The following PLCH1 variants were observed in gnomAD, a reference collection of about 807,000 sequenced individuals.
The protein encoded by PLCH1 is phospholipase C eta 1.
In PLCH1, 60 loss-of-function variants were observed where a neutral mutation model predicts 126.7. The ratio of observed to expected loss-of-function variants is 0.47; its 90% CI spans 0.38 to 0.59. The LOEUF (loss-of-function observed/expected upper bound fraction) is 0.59. Ranked by LOEUF, PLCH1 falls within the 20% of genes least tolerant of loss-of-function variation. PLCH1 has a pLI of 0.00. For synonymous variants in PLCH1, 719 were observed against 734.9 expected, an observed-to-expected ratio of 0.98 and a Z score of 0.35; for missense variants, 1,723 against 2,040.0, an observed-to-expected ratio of 0.84 and a Z score of 2.99.
At chr3:155,548,866 A>G (rs561240233) in intron 10 of PLCH1, among the ~76,000 whole-genome samples, 26 of 152,322 alleles carry the variant, frequency 1.7e-4, no homozygotes, top group South Asian at 8.3e-4. Flanking sequence ...CTAAGAATGA[A>G]TATGTTCCAT....
At chr3:155,660,728 T>C (rs1485318356) in intron 2 of PLCH1, among the ~76,000 whole-genome samples, 1 of 152,232 alleles carries the variant, frequency 6.6e-6, no homozygotes, top group African/African-American at 2.4e-5. Context: ...CTTCTGTGCA[T>C]TGGGATTTTA....
chr3:155,724,498 C>T (rs1242637328), intron 1 of PLCH1, among the ~76,000 whole-genome samples: 1 of 152,040 alleles, frequency 6.6e-6, no homozygotes. Flanking sequence ...TATAATGTCC[C>T]TCTTTGTCTT....
Position 155,467,311 on chromosome 3 carries a change from C to T in PLCH1, c.2938+18045G>A, listed in dbSNP as rs182940500. ...ATCCTAGACCAGGTGCGGTGGCTCACGCCTGTAATCCCAGCACTTTGGACG... is the reference window on the plus strand; with the variant it reads ...ATCCTAGACCAGGTGCGGTGGCTCATGCCTGTAATCCCAGCACTTTGGACG... On this transcript the variant is annotated intron_variant, in intron 21 of 21. Transcript: ENST00000494598. Among the ~76,000 whole-genome samples the T allele has an allele frequency of 2.5e-3, 376 of 152,066 alleles. 1 individual carries two copies. Among genetic ancestry groups the T allele is most frequent in the African/African-American group, 7.9e-3 (327 of 41,510 alleles).
chr3:155,612,908 T>TAAAAAA (rs59489759), intron 2 of PLCH1, among the ~76,000 whole-genome samples: 5,137 of 93,664 alleles, frequency 0.055, 161 homozygotes, highest in African/African-American at 0.087. Context: ...AACTGTGTAT[T>TAAAAAA]AAAAAAAAAA....
chr3:155,639,308 A>G (rs1429380747), intron 2 of PLCH1, among the ~76,000 whole-genome samples: 2 of 152,096 alleles, frequency 1.3e-5, no homozygotes, highest in Non-Finnish European at 2.9e-5. Flanking sequence ...AAAATAAAAA[A>G]TACTTAGCCT....
At chr3:155,666,893 GGT>G (rs3220185) in intron 2 of PLCH1, among the ~76,000 whole-genome samples, 8,460 of 148,556 alleles carry the variant, frequency 0.057, 255 homozygotes, top group Non-Finnish European at 0.065. Context: ...ACACAGATGA[GGT>G]GTGTGTGTGT....
In PLCH1 at chr3:155,587,581, C is replaced by T. The variant is rs16825108; in HGVS notation, c.471-1387G>A. 4.2e-3 allele frequency among the ~76,000 whole-genome samples: 642 copies of T among 152,272 alleles called. 5 individuals are homozygous for T. Among genetic ancestry groups the T allele is most frequent in the Middle Eastern group, 0.017 (5 of 294 alleles). On this transcript the variant is annotated intron_variant, in intron 4 of 22. Coordinates refer to ENST00000460012, the MANE Select transcript of PLCH1 (RefSeq NM_014996.4). ...TTAATTGGCCCAAATTTCTAAATCA[C>T]GGGCAGGTAATGTGAAGTACAAACA...
At chr3:155,562,351 A>T in intron 8 of PLCH1, among the ~76,000 whole-genome samples, 1 of 152,076 alleles carries the variant, frequency 6.6e-6, no homozygotes. Flanking sequence ...ACATTTTTCT[A>T]TTTATTTGAG....
At chr3:155,505,984 C>T (rs1459216307) in intron 12 of PLCH1, among the ~76,000 whole-genome samples, 3 of 150,604 alleles carry the variant, frequency 2.0e-5, no homozygotes, top group Non-Finnish European at 4.4e-5. Flanking sequence ...TTATCCAAAA[C>T]AGGACCTTTT....
At chr3:155,534,441 T>C (rs1213080060) in intron 10 of PLCH1, among the ~76,000 whole-genome samples, 1 of 152,202 alleles carries the variant, frequency 6.6e-6, no homozygotes, top group Non-Finnish European at 1.5e-5. Flanking sequence ...GTACCCCCAT[T>C]GGATCTTTGA....
chr3:155,482,902 A>C lies in PLCH1; in HGVS notation c.3124T>G (p.Ser1042Ala), dbSNP rs756981142. The change falls in exon 23 of 23, where the codon TCA (serine) becomes GCA (alanine). Residue 1042 changes from serine (S) to alanine (A), a missense_variant. Physicochemically the swap from Ser to Ala is moderately conservative, Grantham distance 99. Transcript: ENST00000460012. Reference sequence around the variant, plus strand: ...ATGCCCAGCTGTTCTCCTGTGACTGACATGTGGGCAGTAGATACAATGGTG... The same window carrying C: ...ATGCCCAGCTGTTCTCCTGTGACTGCCATGTGGGCAGTAGATACAATGGTG... The part of the protein sequence containing the change: ...GDTIVSTAHM[S>A]VTGEQLGMSS... The C allele has an allele frequency of 6.2e-6, 10 of 1,614,152 alleles. No homozygotes were observed. The East Asian group carries it at 2.2e-4, about 36-fold the overall frequency.
At chr3:155,515,373 A>G (rs1239230495) in intron 11 of PLCH1, among the ~76,000 whole-genome samples, 3 of 152,262 alleles carry the variant, frequency 2.0e-5, no homozygotes, top group Non-Finnish European at 2.9e-5. Flanking sequence ...TAGAACAAAA[A>G]TATGCTATTA....
chr3:155,676,144 G>A (rs1420710042), intron 2 of PLCH1: 5 of 1,366,188 alleles, frequency 3.7e-6, no homozygotes, highest in Non-Finnish European at 4.8e-6. Flanking sequence ...GGGGAAAAAA[G>A]GCAAAGAAAT....
In PLCH1 at chr3:155,706,823, T is replaced by C. The variant is rs187879353; in HGVS notation, c.-40-2559A>G. On this transcript the variant is annotated intron_variant, in intron 1 of 22. Transcript: ENST00000460012. ...TTCCCTATCTCTCAAGATGCTTGCA[T>C]TGGAACCCAGCTACCACACTGTAAG... 3.0e-3 allele frequency among the ~76,000 whole-genome samples: 451 copies of C among 152,148 alleles called. 1 individual carries two copies. Among genetic ancestry groups the C allele is most frequent in the African/African-American group, 0.01 (417 of 41,518 alleles).
intron 10 of PLCH1, among the ~76,000 whole-genome samples, chr3:155,541,534 G>A (rs956767590): frequency 6.6e-6 from 1 of 152,096 alleles, no homozygotes. Context: ...GAGAGATGGG[G>A]AATCAGGTGG....
intron 2 of PLCH1, among the ~76,000 whole-genome samples, chr3:155,688,996 A>G (rs1745170214): frequency 6.6e-6 from 1 of 152,234 alleles, no homozygotes; most frequent in Non-Finnish European, 1.5e-5. Flanking sequence ...GGAAGGGCCT[A>G]GGGCAAGTCC....
At chr3:155,548,788 A>G (rs1183851141) in intron 10 of PLCH1, among the ~76,000 whole-genome samples, 1 of 152,222 alleles carries the variant, frequency 6.6e-6, no homozygotes, top group East Asian at 1.9e-4. Context: ...AATGCCTAGC[A>G]ACACCTTTTT....
chr3:155,710,750 T>C (rs938745454), intron 1 of PLCH1, among the ~76,000 whole-genome samples: 1 of 151,810 alleles, frequency 6.6e-6, no homozygotes, highest in Non-Finnish European at 1.5e-5. Context: ...GGAGAATGGC[T>C]TGAACCCGGG....
At chr3:155,459,616 G>A (rs1441151704) in intron 21 of PLCH1, among the ~76,000 whole-genome samples, 1 of 152,168 alleles carries the variant, frequency 6.6e-6, no homozygotes, top group African/African-American at 2.4e-5. Flanking sequence ...TTAGAATAAA[G>A]ACACTGAATC....
Sources: gnomAD v4.1 joint callset for allele counts (sites outside exome capture counted in the v4.1 genomes callset) on GRCh38, gnomAD v4.1.1 for gene constraint, MANE v1.5 for transcripts, NCBI Gene and HGNC (gene_info 2026-07-23, HGNC 2026-07-21) for gene names.